The following PPM1H variants were observed in gnomAD, a reference collection of about 807,000 sequenced individuals.
PPM1H encodes the protein protein phosphatase 1H.
A neutral mutation model predicts 54.9 loss-of-function variants in PPM1H; 27 were observed. The ratio of observed to expected loss-of-function variants is 0.49; its 90% CI spans 0.36 to 0.68. The LOEUF (loss-of-function observed/expected upper bound fraction) is 0.68. Among genes scored for constraint, PPM1H ranks in the 30% least tolerant of loss-of-function variants. PPM1H has a pLI of 0.00. For missense variants in PPM1H, 596 were observed against 667.8 expected (o/e 0.89, Z 1.19); for synonymous variants, 305 against 270.8 (o/e 1.13, Z -1.24).
intron 1 of PPM1H, among the ~76,000 whole-genome samples, chr12:62,897,751 C>G (rs1290851723): frequency 6.6e-6 from 1 of 151,988 alleles, no homozygotes; most frequent in Non-Finnish European, 1.5e-5. Context: ...TTTCAAGACT[C>G]TAAACCAAGA....
chr12:62,654,166 C>T (rs140464144), intron 9 of PPM1H, among the ~76,000 whole-genome samples: 5 of 132,740 alleles, frequency 3.8e-5, no homozygotes, highest in East Asian at 4.7e-4. Context: ...GCCTGGGAAG[C>T]GAGGCTGTGC....
chr12:62,788,185 G>T, intron 4 of PPM1H, 41 bp downstream of exon 4: 1 of 1,229,796 alleles, frequency 8.1e-7, no homozygotes, highest in Non-Finnish European at 1.2e-6. Flanking sequence ...ACATCAGAAG[G>T]CATTAGAAAT....
chr12:62,890,278 T>G (rs368934479), intron 1 of PPM1H, among the ~76,000 whole-genome samples: 1 of 152,038 alleles, frequency 6.6e-6, no homozygotes, highest in Non-Finnish European at 1.5e-5. Context: ...CTGGGCAACA[T>G]TGGTGCAACC....
chr12:62,769,449 C>A (rs1007219106), intron 4 of PPM1H, among the ~76,000 whole-genome samples: 1 of 152,248 alleles, frequency 6.6e-6, no homozygotes, highest in Admixed American at 6.5e-5. Flanking sequence ...ACTGACAAAA[C>A]CAGCCTCGTG....
At chr12:62,660,363 A>C (rs1006267868) in intron 9 of PPM1H, among the ~76,000 whole-genome samples, 1 of 152,234 alleles carries the variant, frequency 6.6e-6, no homozygotes, top group African/African-American at 2.4e-5. Context: ...TGAAACTACA[A>C]AAGACCCAGA....
chr12:62,832,199 G>GC lies in PPM1H; in HGVS notation c.325dup (p.Ala109GlyfsTer43). The GC allele has an allele frequency of 6.2e-7, 1 of 1,613,698 alleles. No individual in the cohort carries two copies. The highest frequency in any genetic ancestry group is 8.5e-7 in the Non-Finnish European group (1 of 1,179,734). Reference sequence around the variant, plus strand: ...GTTCCTGTTTGGGGTTGAGGTCACGGCCCCTGCCTTCTTCTTCACAGTGAG... The same window carrying GC: ...GTTCCTGTTTGGGGTTGAGGTCACGGCCCCCTGCCTTCTTCTTCACAGTGAG... On this transcript the variant is annotated frameshift_variant, in exon 2 of 10. Transcript: ENST00000228705. LOFTEE classifies it high-confidence loss of function.
At chr12:62,651,386 C>T (rs1382409371) in intron 9 of PPM1H, among the ~76,000 whole-genome samples, 2 of 152,184 alleles carry the variant, frequency 1.3e-5, no homozygotes, top group South Asian at 2.1e-4. Context: ...TCAACAGGTC[C>T]TGCAGTCATG....
intron 1 of PPM1H, among the ~76,000 whole-genome samples, chr12:62,857,963 ATTT>A (rs1869451583): frequency 6.6e-6 from 1 of 151,968 alleles, no homozygotes; most frequent in Non-Finnish European, 1.5e-5. Context: ...ACCCTTATCT[ATTT>A]GTCATGAGGC....
At chr12:62,772,322 A>G (rs2076583947) in intron 4 of PPM1H, among the ~76,000 whole-genome samples, 1 of 152,170 alleles carries the variant, frequency 6.6e-6, no homozygotes, top group Non-Finnish European at 1.5e-5. Context: ...GCTAGAATTC[A>G]AACTCAGGCC....
intron 4 of PPM1H, among the ~76,000 whole-genome samples, chr12:62,768,191 G>A (rs1049557103): frequency 2.0e-5 from 3 of 152,154 alleles, no homozygotes; most frequent in Non-Finnish European, 2.9e-5. Flanking sequence ...ACCAAAGGCC[G>A]AGGAAGGTTG....
In PPM1H at chr12:62,844,375, G is replaced by T. The variant is rs536050230; in HGVS notation, c.246-12096C>A. On this transcript the variant is annotated intron_variant, in intron 1 of 9. Coordinates refer to ENST00000228705, the MANE Select transcript of PPM1H (RefSeq NM_020700.2). This position sits in a 1 kb window ranked among gnomAD's most constrained non-coding sequence, Gnocchi z 5.2. ...AGAAATAATGTTCTGAGGGGCAAGG[G>T]GGGCGTCTTATCTCTGATGCTGCTT... Among the ~76,000 whole-genome samples the T allele has an allele frequency of 3.0e-4, 45 of 152,156 alleles. No individual in the cohort carries two copies. Among genetic ancestry groups the T allele is most frequent in the Non-Finnish European group, 5.0e-4 (34 of 68,014 alleles).
intron 1 of PPM1H, among the ~76,000 whole-genome samples, chr12:62,836,179 C>T (rs911404967): frequency 2.0e-5 from 3 of 152,156 alleles, no homozygotes; most frequent in Non-Finnish European, 2.9e-5. Context: ...TGGTGGACCA[C>T]GAATCATCAT....
intron 6 of PPM1H, among the ~76,000 whole-genome samples, chr12:62,697,691 T>C (rs945826281): frequency 1.3e-5 from 2 of 152,172 alleles, no homozygotes; most frequent in Non-Finnish European, 2.9e-5. Flanking sequence ...ACTTTGGATT[T>C]GAGATGAATA....
chr12:62,661,524 C>T (rs2075883615), intron 9 of PPM1H, among the ~76,000 whole-genome samples: 1 of 152,162 alleles, frequency 6.6e-6, no homozygotes, highest in South Asian at 2.1e-4. Context: ...CCTCAGCCTC[C>T]CGAATAGCTG....
chr12:62,932,651 T>TTTTTTTTTTTTTTTTTAGG (rs1872181743), intron 1 of PPM1H, among the ~76,000 whole-genome samples: 1 of 136,450 alleles, frequency 7.3e-6, no homozygotes, highest in Admixed American at 7.5e-5. Flanking sequence ...TTTTTTTTTT[T>TTTTTTTTTTTTTTTTTAGG]GAGAAGGAGT....
rs185451614 is a variant in PPM1H, at chr12:62,737,451, C to T, written c.954+51G>A. 3,541 of 1,320,936 alleles carry T rather than the reference C, an allele frequency of 2.7e-3. 5 individuals carry two copies. The highest frequency in any genetic ancestry group is 3.4e-3 in the Non-Finnish European group (3,238 of 954,764). The allele number at this position is 1,320,936 out of a possible 1,614,324, so 81.8% of individuals were successfully genotyped here. On this transcript the variant is annotated intron_variant, in intron 5 of 9. Transcript: ENST00000228705. ...GCAACGTGTTCCTCCAGAACAGCTC[C>T]GATGCCATCCCTGATGCCACTGCCC...
At chr12:62,883,953 G>A (rs911306277) in intron 1 of PPM1H, among the ~76,000 whole-genome samples, 5 of 148,074 alleles carry the variant, frequency 3.4e-5, no homozygotes, top group Middle Eastern at 3.4e-3. Context: ...TTACAGCTTC[G>A]CATGCACGTG....
intron 1 of PPM1H, among the ~76,000 whole-genome samples, chr12:62,836,750 T>A (rs1250005370): frequency 1.3e-5 from 2 of 152,218 alleles, no homozygotes; most frequent in Admixed American, 1.3e-4. Context: ...GCACAGCTAC[T>A]GTCTCCTCAA....
At chr12:62,780,077 C>A (rs984331921) in intron 4 of PPM1H, among the ~76,000 whole-genome samples, 1 of 152,146 alleles carries the variant, frequency 6.6e-6, no homozygotes, top group African/African-American at 2.4e-5. Flanking sequence ...ATGTAAAATT[C>A]ATGTAAAGCC....
Sources: gnomAD v4.1 joint callset for allele counts (sites outside exome capture counted in the v4.1 genomes callset) on GRCh38, gnomAD v4.1.1 for gene constraint, Gnocchi (gnomAD v3.1) non-coding constraint, MANE v1.5 for transcripts, NCBI Gene and HGNC (gene_info 2026-07-23, HGNC 2026-07-21) for gene names.